KLHL8: variants seen among roughly 807,000 people sequenced by gnomAD.
KLHL8 encodes kelch like family member 8, also known as kelch-like protein 8.
Under a neutral mutation model 63.5 loss-of-function variants are expected in KLHL8, and 38 were observed. That is an observed-to-expected ratio of 0.60 (90% CI 0.46 to 0.78). KLHL8 has a LOEUF of 0.78. KLHL8 is among the 30% of genes least tolerant of loss of function. The pLI is 0.00. For missense variants in KLHL8, 566 were observed against 752.4 expected (o/e 0.75, Z 2.90); for synonymous variants, 224 against 254.3 (o/e 0.88, Z 1.13).
At chr4:87,202,527 T>G (rs1731961159) in intron 1 of KLHL8, among the ~76,000 whole-genome samples, 1 of 152,152 alleles carries the variant, frequency 6.6e-6, no homozygotes, top group Non-Finnish European at 1.5e-5. Flanking sequence ...CCCACTGGCA[T>G]TAAAAAGGTA....
chr4:87,188,905 C>T (rs9999554), intron 2 of KLHL8, among the ~76,000 whole-genome samples: 11,717 of 152,272 alleles, frequency 0.077, 633 homozygotes, highest in Non-Finnish European at 0.12. Context: ...TTCTAATTTA[C>T]ATTCTTTCTT....
chr4:87,201,566 A>G (rs1018644691), intron 1 of KLHL8, among the ~76,000 whole-genome samples: 4 of 152,244 alleles, frequency 2.6e-5, no homozygotes, highest in African/African-American at 7.2e-5. Context: ...ACTCCTCCCA[A>G]CAAAGGCAGA....
At chr4:87,225,383 A>G (rs572712039), upstream of KLHL8, among the ~76,000 whole-genome samples, 11 of 152,326 alleles carry the variant, frequency 7.2e-5, no homozygotes, top group African/African-American at 1.4e-4. Context: ...AAATAACAGC[A>G]TAGTACTTGA....
chr4:87,163,831 A>C (rs751493919), intron 9 of KLHL8, 47 bp downstream of exon 9: 1 of 1,574,192 alleles, frequency 6.4e-7, no homozygotes, highest in Non-Finnish European at 8.7e-7. Context: ...GTAATCTACT[A>C]TTATACCAGA....
chr4:87,193,529 CT>C (rs1316490437), intron 2 of KLHL8, among the ~76,000 whole-genome samples: 1 of 151,832 alleles, frequency 6.6e-6, no homozygotes. Flanking sequence ...CAATTTTTTT[CT>C]TTTTTTATGT....
Position 87,163,489 on chromosome 4 carries a change from T to C in KLHL8, c.*30A>G. On this transcript the variant is annotated 3_prime_UTR_variant, in exon 10 of 10. Coordinates refer to ENST00000273963, the MANE Select transcript of KLHL8 (RefSeq NM_020803.5). ...GGTTTTCTTTTGTACCTATCAGATA[T>C]GACTAAATTGTTGGTGGCCAGAACT... 1 of 1,612,726 alleles carries C rather than the reference T, an allele frequency of 6.2e-7. No individual in the cohort carries two copies. The highest frequency in any genetic ancestry group is 8.5e-7 in the Non-Finnish European group (1 of 1,179,376).
chr4:87,172,129 C>T (rs1730656575), intron 6 of KLHL8, among the ~76,000 whole-genome samples: 1 of 152,122 alleles, frequency 6.6e-6, no homozygotes, highest in African/African-American at 2.4e-5. Flanking sequence ...CCTTCAAAAG[C>T]AGAGAGGTTT....
At chr4:87,236,410 T>C (rs993696145) in intron 1 of KLHL8, among the ~76,000 whole-genome samples, 2 of 151,862 alleles carry the variant, frequency 1.3e-5, no homozygotes, top group Admixed American at 1.3e-4. Flanking sequence ...GATTTCACTA[T>C]GTTGGCCACA....
chr4:87,226,923 T>C (rs1373524488), intron 1 of KLHL8, among the ~76,000 whole-genome samples: 1 of 54,470 alleles, frequency 1.8e-5, no homozygotes, highest in Non-Finnish European at 3.2e-5. Context: ...AAATAATATA[T>C]ATATTATATA....
At chr4:87,179,388 A>G (rs189123227) in intron 4 of KLHL8, among the ~76,000 whole-genome samples, 9 of 152,350 alleles carry the variant, frequency 5.9e-5, no homozygotes, top group Admixed American at 5.2e-4. Context: ...TCAACACAGT[A>G]AACTAATGAA....
intron 2 of KLHL8, among the ~76,000 whole-genome samples, chr4:87,190,033 CAAAAAAAA>C (rs35607781): frequency 1.3e-5 from 1 of 76,762 alleles, no homozygotes; most frequent in African/African-American, 6.2e-5. Context: ...GCCTCCATCT[CAAAAAAAA>C]AAAAAAAAAA....
intron 1 of KLHL8, among the ~76,000 whole-genome samples, chr4:87,210,964 G>GT (rs750526364): frequency 6.6e-6 from 1 of 152,046 alleles, no homozygotes. Flanking sequence ...TCAATTTTTG[G>GT]TCAAATTCAA....
At chr4:87,235,882 G>A (rs984598428) in intron 1 of KLHL8, among the ~76,000 whole-genome samples, 3 of 152,066 alleles carry the variant, frequency 2.0e-5, no homozygotes, top group Non-Finnish European at 4.4e-5. Context: ...GTTGCGGGCC[G>A]CGGGGCGGGT....
Position 87,170,324 on chromosome 4 carries a change from G to GT in KLHL8, c.1378-87dup. 5.5e-6 allele frequency: 8 copies of GT among 1,451,026 alleles called. 1 individual carries two copies. Among genetic ancestry groups the GT allele is most frequent in the Non-Finnish European group, 6.5e-6 (7 of 1,069,020 alleles). 89.9% of individuals were successfully genotyped at this position (1,451,026 alleles called of 1,614,324 possible). A position where few individuals can be genotyped will look rare whatever the true frequency, so the allele number is the denominator to read the frequency against. On this transcript the variant is annotated intron_variant, in intron 7 of 9. Coordinates refer to ENST00000273963, the MANE Select transcript of KLHL8 (RefSeq NM_020803.5). ...ATGGTAAATTAGAATGTACAAGGCA[G>GT]TATTTCAGGAAATAATATGATATAT...
chr4:87,174,744 G>A (rs1180559157), intron 6 of KLHL8, among the ~76,000 whole-genome samples: 1 of 151,488 alleles, frequency 6.6e-6, no homozygotes, highest in Non-Finnish European at 1.5e-5. Flanking sequence ...AAATCCTCAC[G>A]CTATTAACAG....
At position 87,185,619 on chromosome 4, in the gene KLHL8, T is replaced by C. The variant is rs1328880685; in HGVS notation, c.397A>G (p.Thr133Ala). ...KFVYSSRLTL[T>A]VDNVQPLLYA... is the part of the protein sequence containing the mutation. ...AAGAGAGGCTGGACATTGTCAACAG[T>C]CAAAGTGAGCCGTGAAGAATAGACA... The change falls in exon 3 of 10, where the codon ACT (threonine) becomes GCT (alanine). Residue 133 changes from threonine to alanine, a missense_variant. Physicochemically the swap from Thr to Ala is moderately conservative, Grantham distance 58. Coordinates refer to ENST00000273963, the MANE Select transcript of KLHL8 (RefSeq NM_020803.5). 6.2e-7 allele frequency: 1 copy of C among 1,614,036 alleles called. No homozygotes were observed. The highest frequency in any genetic ancestry group is 2.2e-5 in the East Asian group (1 of 44,896).
At chr4:87,176,287 A>G (rs968090577) in intron 6 of KLHL8, among the ~76,000 whole-genome samples, 5 of 152,192 alleles carry the variant, frequency 3.3e-5, no homozygotes, top group Admixed American at 2.0e-4. Flanking sequence ...TTTGCTGTGC[A>G]TTATAGAATC....
Position 87,207,629 on chromosome 4 carries a change from C to G in KLHL8, c.-151-11939G>C, listed in dbSNP as rs1732187846. On this transcript the variant is annotated intron_variant, in intron 1 of 9. Coordinates refer to ENST00000273963, the MANE Select transcript of KLHL8 (RefSeq NM_020803.5). The stretch of plus-strand genomic sequence containing the variant: ...CTCATGACTACAGTCCATGCCATCA[C>G]TGCCACCCAGAAGACTGTGGATGGC... 3.3e-6 allele frequency: 4 copies of G among 1,223,062 alleles called. No individual in the cohort carries two copies. The Admixed American group carries it at 6.8e-5, about 21-fold the overall frequency. The allele number at this position is 1,223,062 out of a possible 1,614,324, so 75.8% of individuals were successfully genotyped here. A position where few individuals can be genotyped will look rare whatever the true frequency, so the allele number is the denominator to read the frequency against.
chr4:87,190,226 C>T (rs1194958925), intron 2 of KLHL8, among the ~76,000 whole-genome samples: 1 of 152,006 alleles, frequency 6.6e-6, no homozygotes, highest in African/African-American at 2.4e-5. Context: ...GTATATTATT[C>T]ATTACTATTT....
Sources: gnomAD v4.1 joint callset for allele counts (sites outside exome capture counted in the v4.1 genomes callset) on GRCh38, gnomAD v4.1.1 for gene constraint, MANE v1.5 for transcripts, NCBI Gene and HGNC (gene_info 2026-07-23, HGNC 2026-07-21) for gene names.